MFSD8: variants seen among roughly 807,000 people sequenced by gnomAD.
MFSD8 encodes the protein major facilitator superfamily domain containing 8, also known as major facilitator superfamily domain-containing protein 8.
MFSD8 carries 55 observed loss-of-function variants against 66.4 expected under a neutral mutation model. That is an observed-to-expected ratio of 0.83 (90% CI 0.67 to 1.04). The LOEUF (loss-of-function observed/expected upper bound fraction) is 1.04, where lower values mean the gene tolerates loss of function less well. Among genes scored for constraint, MFSD8 ranks in the 50% least tolerant of loss-of-function variants. MFSD8 has a pLI of 0.00. For synonymous variants in MFSD8, 202 were observed against 212.8 expected, an observed-to-expected ratio of 0.95 and a Z score of 0.44; for missense variants, 550 against 627.6, an observed-to-expected ratio of 0.88 and a Z score of 1.32.
At chr4:127,937,915 C>G (rs1257645299) in intron 7 of MFSD8, among the ~76,000 whole-genome samples, 1 of 152,026 alleles carries the variant, frequency 6.6e-6, no homozygotes, top group Non-Finnish European at 1.5e-5. Flanking sequence ...CTACTGAGGG[C>G]CAGGATCAGT....
At chr4:127,947,629 C>T (rs967919933) in intron 3 of MFSD8, among the ~76,000 whole-genome samples, 2 of 147,406 alleles carry the variant, frequency 1.4e-5, no homozygotes, top group African/African-American at 5.0e-5. Context: ...GAGGAGGTGA[C>T]ACTGGAGCAA....
intron 1 of MFSD8, among the ~76,000 whole-genome samples, chr4:127,961,740 G>T (rs1743788788): frequency 7.0e-6 from 1 of 143,640 alleles, no homozygotes; most frequent in South Asian, 2.2e-4. Context: ...AGAATGGCGT[G>T]AACCCGGGAG....
intron 11 of MFSD8, 108 bp downstream of exon 11, chr4:127,921,416 T>C: frequency 1.9e-6 from 3 of 1,568,758 alleles, no homozygotes; most frequent in African/African-American, 1.4e-5. Flanking sequence ...CTGAATATGA[T>C]AAAAATCCCT....
chr4:127,953,548 T>TG (rs1185820476), intron 2 of MFSD8, among the ~76,000 whole-genome samples: 1 of 132,652 alleles, frequency 7.5e-6, no homozygotes, highest in Non-Finnish European at 1.6e-5. Context: ...ATTCTGTTTT[T>TG]TTTTTTTTTT....
intron 2 of MFSD8, among the ~76,000 whole-genome samples, chr4:127,952,170 C>G (rs1742089740): frequency 6.6e-6 from 1 of 151,702 alleles, no homozygotes; most frequent in African/African-American, 2.4e-5. Context: ...CTTTGGGAGG[C>G]CTGGGTGGGC....
chr4:127,952,869 C>CA (rs758640018), intron 2 of MFSD8, among the ~76,000 whole-genome samples: 2,878 of 64,648 alleles, frequency 0.045, 63 homozygotes, highest in Non-Finnish European at 0.064. Flanking sequence ...GACTCCACCT[C>CA]AAAAAAAAAA....
intron 4 of MFSD8, 61 bp downstream of exon 4, chr4:127,943,691 A>G: frequency 6.2e-7 from 1 of 1,604,424 alleles, no homozygotes; most frequent in Non-Finnish European, 8.5e-7. Flanking sequence ...GTTAAAAGTG[A>G]GCCATAAATG....
intron 9 of MFSD8, among the ~76,000 whole-genome samples, chr4:127,923,869 C>T (rs550338140): frequency 3.9e-5 from 6 of 152,124 alleles, no homozygotes; most frequent in East Asian, 1.9e-4. Flanking sequence ...CGTGAGCCAC[C>T]GCACCTGGCC....
At chr4:127,958,468 T>C (rs901727374) in intron 1 of MFSD8, among the ~76,000 whole-genome samples, 1 of 152,108 alleles carries the variant, frequency 6.6e-6, no homozygotes, top group Non-Finnish European at 1.5e-5. Context: ...CTTTTTTTTT[T>C]CAAACGTGAT....
intron 8 of MFSD8, among the ~76,000 whole-genome samples, 193 bp from the exon 9 acceptor site, chr4:127,931,010 C>T (rs957799941): frequency 3.3e-5 from 5 of 152,060 alleles, no homozygotes; most frequent in African/African-American, 9.7e-5. Context: ...ACTAAGTCTG[C>T]CTACTCATAT....
chr4:127,964,282 T>C (rs1266867814), intron 1 of MFSD8, among the ~76,000 whole-genome samples: 1 of 151,916 alleles, frequency 6.6e-6, no homozygotes, highest in Non-Finnish European at 1.5e-5. Context: ...CACCGTGGAG[T>C]AGGGAGCGGC....
At chr4:127,942,859 T>C (rs1467593020) in intron 4 of MFSD8, among the ~76,000 whole-genome samples, 1 of 152,130 alleles carries the variant, frequency 6.6e-6, no homozygotes. Flanking sequence ...ATTGAGTACA[T>C]TACATTCAAG....
intron 7 of MFSD8, 182 bp from the exon 8 acceptor site, chr4:127,933,275 C>A (rs925828296): frequency 3.9e-6 from 2 of 507,898 alleles, no homozygotes; most frequent in Admixed American, 6.3e-5. Flanking sequence ...GACAGGGTCT[C>A]ACTCTGTCAC....
rs1414755787 is a variant in MFSD8, at chr4:127,938,612, T to A, written c.754+171A>T. Among the ~76,000 whole-genome samples the A allele has an allele frequency of 1.2e-4, 17 of 140,008 alleles. 1 individual carries two copies. The highest frequency in any genetic ancestry group is 4.5e-4 in the African/African-American group (15 of 33,308). 91.9% of individuals were successfully genotyped at this position (140,008 alleles called of 152,430 possible). A position where few individuals can be genotyped will look rare whatever the true frequency, so the allele number is the denominator to read the frequency against. ...AAAAAAAAATAAATAAATAAATAAA[T>A]AAATAAATAAATAAATAAATAAATT... is the stretch of plus-strand genomic sequence containing the variant. On this transcript the variant is annotated intron_variant, in intron 7 of 11. Transcript: ENST00000641686.
intron 7 of MFSD8, among the ~76,000 whole-genome samples, chr4:127,936,586 T>C (rs1739124254): frequency 6.6e-6 from 1 of 152,086 alleles, no homozygotes; most frequent in Non-Finnish European, 1.5e-5. Flanking sequence ...ACCAACGTTA[T>C]TTGTTGTTTA....
intron 2 of MFSD8, among the ~76,000 whole-genome samples, chr4:127,957,096 G>C (rs2148970971): frequency 6.6e-6 from 1 of 152,128 alleles, no homozygotes; most frequent in Admixed American, 6.6e-5. Context: ...TTAAATAAAA[G>C]GAAATTATCA....
chr4:127,938,722 CAG>C, intron 7 of MFSD8, 59 bp downstream of exon 7: 1 of 1,423,984 alleles, frequency 7.0e-7, no homozygotes, highest in Non-Finnish European at 9.8e-7. Flanking sequence ...ACCAAACAAA[CAG>C]AATCATTAGA....
At chr4:127,930,637 T>C in intron 9 of MFSD8, 46 bp downstream of exon 9, 1 of 1,607,466 alleles carries the variant, frequency 6.2e-7, no homozygotes, top group East Asian at 2.2e-5. Flanking sequence ...CTGTTTTTTG[T>C]TTTATTTTTT....
chr4:127,965,385 A>G (rs1442875665), upstream of MFSD8: 2 of 592,332 alleles, frequency 3.4e-6, no homozygotes, highest in South Asian at 3.9e-5. Context: ...CTGAGAGCCC[A>G]GGAGAGCTCG....
Sources: allele counts gnomAD v4.1 joint callset (sites outside exome capture counted in the v4.1 genomes callset), GRCh38; gene constraint gnomAD v4.1.1; transcripts MANE v1.5; gene names NCBI Gene and HGNC (gene_info 2026-07-23, HGNC 2026-07-21).